PREX2: variants seen among roughly 807,000 people sequenced by gnomAD.
PREX2 encodes the protein phosphatidylinositol-3,4,5-trisphosphate dependent Rac exchange factor 2.
In PREX2, 107 loss-of-function variants were observed where a neutral mutation model predicts 203.2. The observed-to-expected ratio is 0.53, with a 90% CI of 0.45 to 0.62. The LOEUF is 0.62. PREX2 is among the 20% of genes least tolerant of loss of function. The pLI is 0.00. For missense variants in PREX2, 1,777 were observed against 1,955.9 expected, an observed-to-expected ratio of 0.91 and a Z score of 1.72; for synonymous variants, 672 against 663.6, an observed-to-expected ratio of 1.01 and a Z score of -0.19.
At chr8:68,057,200 C>T (rs940848468) in intron 10 of PREX2, among the ~76,000 whole-genome samples, 1 of 152,130 alleles carries the variant, frequency 6.6e-6, no homozygotes, top group African/African-American at 2.4e-5. Context: ...CTCCTTCACT[C>T]GCCTTCTCTC....
chr8:68,051,812 A>C (rs1437624954), intron 8 of PREX2, among the ~76,000 whole-genome samples: 3 of 152,176 alleles, frequency 2.0e-5, no homozygotes, highest in Admixed American at 6.5e-5. Context: ...TATTATCAGA[A>C]GTCATTTTTG....
At chr8:67,979,213 A>C (rs1806198083) in intron 1 of PREX2, among the ~76,000 whole-genome samples, 1 of 152,210 alleles carries the variant, frequency 6.6e-6, no homozygotes, top group African/African-American at 2.4e-5. Context: ...TAGAAGTAAC[A>C]AATTATGTTG....
rs1811322946 is a variant in PREX2, at chr8:68,146,215, C to T, written c.4094C>T (p.Pro1365Leu). 1 of 1,603,954 alleles carries T rather than the reference C, an allele frequency of 6.2e-7. No homozygotes were observed. The change falls in exon 34 of 40, where the codon CCT (proline) becomes CTT (leucine). Residue 1365 changes from proline to leucine, a missense_variant. Physicochemically the swap from Pro to Leu is moderately conservative, Grantham distance 98 (BLOSUM62 -3). Transcript: ENST00000288368. ...SEEEPLVANV[P>L]LTYQAEGSRQ... ...CTATTAAATATCATTTTAGATGTTC[C>T]TCTTACATATCAAGCAGAAGGAAGT...
intron 2 of PREX2, 101 bp downstream of exon 2, chr8:68,018,018 C>A: frequency 1.2e-6 from 1 of 809,292 alleles, no homozygotes; most frequent in South Asian, 1.5e-5. Context: ...ATCGGCAGTT[C>A]CACTACAAGT....
chr8:68,053,228 G>T lies in PREX2; in HGVS notation c.1075G>T (p.Glu359Ter), dbSNP rs1206854674. Residue 359 changes from glutamate to a stop codon, truncating the protein, a stop_gained, in exon 9 of 40, where the codon GAA becomes TAA. Coordinates refer to ENST00000288368, the MANE Select transcript of PREX2 (RefSeq NM_024870.4). LOFTEE classifies it high-confidence loss of function. ...KHEWFEAILK[E>*]RERRKGLKLG... ...TGAATGGTTTGAAGCTATTTTGAAAGAAAGAGAACGGCGGAAAGGTGGGTG... is the reference window on the plus strand; with the variant it reads ...TGAATGGTTTGAAGCTATTTTGAAATAAAGAGAACGGCGGAAAGGTGGGTG... 1 of 1,613,456 alleles carries T rather than the reference G, an allele frequency of 6.2e-7. No individual in the cohort carries two copies. Among genetic ancestry groups the T allele is most frequent in the African/African-American group, 1.3e-5 (1 of 74,896 alleles).
intron 1 of PREX2, among the ~76,000 whole-genome samples, chr8:67,974,379 A>G (rs1806010952): frequency 6.6e-6 from 1 of 151,176 alleles, no homozygotes; most frequent in Non-Finnish European, 1.5e-5. Flanking sequence ...TTTAAAAAGC[A>G]TTCTCATAAA....
intron 1 of PREX2, among the ~76,000 whole-genome samples, chr8:67,977,559 C>CA (rs1272712093): frequency 6.6e-6 from 1 of 152,078 alleles, no homozygotes; most frequent in African/African-American, 2.4e-5. Context: ...CCAGGAGTGA[C>CA]AGAGTGACCT....
chr8:68,153,806 C>A (rs989016554), intron 34 of PREX2, among the ~76,000 whole-genome samples: 1 of 152,116 alleles, frequency 6.6e-6, no homozygotes, highest in Non-Finnish European at 1.5e-5. Flanking sequence ...CTTACTAAGA[C>A]TCTTGGCAAA....
intron 1 of PREX2, among the ~76,000 whole-genome samples, chr8:68,002,129 C>CTTTTTTTTT: frequency 6.8e-6 from 1 of 146,340 alleles, no homozygotes; most frequent in Non-Finnish European, 1.5e-5. Context: ...TTAATTTTGC[C>CTTTTTTTTT]TTTTTTTCTT....
At chr8:68,115,202 T>C (rs1465143966) in intron 25 of PREX2, among the ~76,000 whole-genome samples, 1 of 151,822 alleles carries the variant, frequency 6.6e-6, no homozygotes, top group Admixed American at 6.6e-5. Flanking sequence ...TAATTTTGTA[T>C]TTTTTAGTAG....
chr8:68,081,972 C>T (rs1042092380), intron 17 of PREX2, among the ~76,000 whole-genome samples: 3 of 152,006 alleles, frequency 2.0e-5, no homozygotes, highest in Non-Finnish European at 4.4e-5. Context: ...TCTGGGATTA[C>T]AGGCATGAGA....
intron 8 of PREX2, among the ~76,000 whole-genome samples, chr8:68,047,480 T>C (rs1359035936): frequency 1.6e-5 from 1 of 62,740 alleles, no homozygotes; most frequent in African/African-American, 9.2e-5. Context: ...TATATATATA[T>C]ATATATATAT....
At chr8:68,228,487 G>T (rs1181730828) in intron 39 of PREX2, among the ~76,000 whole-genome samples, 1 of 152,146 alleles carries the variant, frequency 6.6e-6, no homozygotes, top group East Asian at 1.9e-4. Context: ...AAATGGCCGG[G>T]TGCATAGGCT....
At chr8:68,100,336 G>A (rs1810223099) in intron 23 of PREX2, 1 of 376,792 alleles carries the variant, frequency 2.7e-6, no homozygotes, top group South Asian at 2.1e-5. Flanking sequence ...CAGGAATATA[G>A]CAGGGAAGGA....
chr8:68,086,869 TATTTTG>T (rs1200344146), intron 18 of PREX2, among the ~76,000 whole-genome samples: 1 of 152,202 alleles, frequency 6.6e-6, no homozygotes, highest in Non-Finnish European at 1.5e-5. Flanking sequence ...TTTCTTAAAA[TATTTTG>T]ATACCACGTT....
chr8:68,055,728 CA>C (rs1808657368), intron 9 of PREX2, 101 bp from the exon 10 acceptor site: 1 of 1,083,650 alleles, frequency 9.2e-7, no homozygotes. Flanking sequence ...CAACCCCCAG[CA>C]CATGGTAGAC....
intron 31 of PREX2, among the ~76,000 whole-genome samples, chr8:68,129,146 T>C (rs745543183): frequency 6.6e-5 from 10 of 152,190 alleles, no homozygotes; most frequent in African/African-American, 9.7e-5. Context: ...AACCAGCACA[T>C]AGTATACAGT....
chr8:67,992,879 G>A (rs942010642), intron 1 of PREX2, among the ~76,000 whole-genome samples: 3 of 152,058 alleles, frequency 2.0e-5, no homozygotes, highest in Non-Finnish European at 2.9e-5. Flanking sequence ...ACAAAAACAG[G>A]GAAAATGTAG....
At chr8:68,137,031 A>G (rs12386919) in intron 32 of PREX2, among the ~76,000 whole-genome samples, 136,623 of 151,714 alleles carry the variant, frequency 0.9, 61,662 homozygotes, top group East Asian at 1. Context: ...TCAGCCTCCC[A>G]AGTAGCTGGG....
Sources: allele counts gnomAD v4.1 joint callset (sites outside exome capture counted in the v4.1 genomes callset), GRCh38; gene constraint gnomAD v4.1.1; transcripts MANE v1.5; gene names NCBI Gene and HGNC (gene_info 2026-07-23, HGNC 2026-07-21).